Variants in CHSY3 observed in about 807,000 individuals in gnomAD.
CHSY3 encodes the protein chondroitin sulfate synthase 3, also known as N-acetylgalactosaminyl-proteoglycan 3-beta-glucuronosyltransferase 3.
CHSY3 carries 35 observed loss-of-function variants against 67.2 expected under a neutral mutation model. That is an observed-to-expected ratio of 0.52 (90% CI 0.40 to 0.69). The LOEUF (loss-of-function observed/expected upper bound fraction) is 0.69. CHSY3 is among the 30% of genes least tolerant of loss of function. CHSY3 has a pLI of 0.00. For synonymous variants in CHSY3, 474 were observed against 434.7 expected, an observed-to-expected ratio of 1.09 and a Z score of -1.12; for missense variants, 1,069 against 1,138.5, an observed-to-expected ratio of 0.94 and a Z score of 0.88.
chr5:130,026,923 A>G (rs1351497023), intron 2 of CHSY3, among the ~76,000 whole-genome samples: 1 of 152,160 alleles, frequency 6.6e-6, no homozygotes, highest in Non-Finnish European at 1.5e-5. Context: ...GCATTCACAC[A>G]TAAGTACATA....
chr5:129,958,212 T>A (rs1762233319), intron 2 of CHSY3, among the ~76,000 whole-genome samples: 1 of 152,180 alleles, frequency 6.6e-6, no homozygotes, highest in South Asian at 2.1e-4. Flanking sequence ...AATTATCAAT[T>A]TGTCCTCTTC....
chr5:130,122,166 C>CATAT (rs1768054854), intron 2 of CHSY3, among the ~76,000 whole-genome samples: 2 of 149,254 alleles, frequency 1.3e-5, no homozygotes, highest in Non-Finnish European at 2.9e-5. Flanking sequence ...CAAATATATA[C>CATAT]ATATATACAT....
intron 2 of CHSY3, chr5:130,140,911 C>T: frequency 2.8e-6 from 2 of 716,600 alleles, no homozygotes; most frequent in Non-Finnish European, 3.5e-6. Context: ...TCAATACCTC[C>T]ATTTTCCATG....
At chr5:130,116,171 T>A (rs1035136317) in intron 2 of CHSY3, among the ~76,000 whole-genome samples, 26 of 152,080 alleles carry the variant, frequency 1.7e-4, no homozygotes, top group African/African-American at 6.0e-4. Flanking sequence ...TTGACCCAAA[T>A]AGCAACAACA....
intron 2 of CHSY3, among the ~76,000 whole-genome samples, chr5:130,115,104 T>C (rs2149705986): frequency 1.3e-5 from 2 of 152,058 alleles, no homozygotes; most frequent in East Asian, 3.9e-4. Flanking sequence ...TTATTGTAGG[T>C]AATTTTATTT....
At chr5:129,998,344 G>A (rs938967910) in intron 2 of CHSY3, among the ~76,000 whole-genome samples, 11 of 152,114 alleles carry the variant, frequency 7.2e-5, no homozygotes, top group Non-Finnish European at 4.4e-5. Context: ...GCTGCATACT[G>A]TTTCACTGTA....
At chr5:129,966,753 G>C (rs1415460310) in intron 2 of CHSY3, among the ~76,000 whole-genome samples, 2 of 151,630 alleles carry the variant, frequency 1.3e-5, no homozygotes, top group Non-Finnish European at 2.9e-5. Context: ...CTCACCTACT[G>C]TTTGTGTATC....
chr5:130,065,670 T>C (rs561694271), intron 2 of CHSY3, among the ~76,000 whole-genome samples: 1 of 152,268 alleles, frequency 6.6e-6, no homozygotes, highest in South Asian at 2.1e-4. Flanking sequence ...ATATCTAAGA[T>C]AGCACTACTG....
chr5:130,013,280 G>A (rs1015569968), intron 2 of CHSY3, among the ~76,000 whole-genome samples: 2 of 152,138 alleles, frequency 1.3e-5, no homozygotes, highest in African/African-American at 4.8e-5. Flanking sequence ...TAAGCTGTTG[G>A]TGGATCTACC....
At chr5:130,127,554 T>G (rs1263849987) in intron 2 of CHSY3, among the ~76,000 whole-genome samples, 1 of 152,216 alleles carries the variant, frequency 6.6e-6, no homozygotes, top group Non-Finnish European at 1.5e-5. Flanking sequence ...TATGATCTGA[T>G]AGCAGTCATT....
chr5:130,105,265 A>G lies in CHSY3; in HGVS notation c.1087-78964A>G, dbSNP rs576966935. On this transcript the variant is annotated intron_variant, in intron 2 of 2. Coordinates refer to ENST00000305031, the MANE Select transcript of CHSY3 (RefSeq NM_175856.5). The stretch of plus-strand genomic sequence containing the variant: ...CACAAGAATTTAAGAACTTCAAAGT[A>G]TTGTTTGATTTTCAATATCTAATGT... 7.9e-5 allele frequency among the ~76,000 whole-genome samples: 12 copies of G among 151,624 alleles called. No individual in the cohort carries two copies. In the South Asian group the frequency reaches 2.5e-3, roughly 31 times the overall value.
chr5:130,085,465 T>G (rs1233411305), intron 2 of CHSY3, among the ~76,000 whole-genome samples: 1 of 152,106 alleles, frequency 6.6e-6, no homozygotes, highest in Non-Finnish European at 1.5e-5. Context: ...TTCCCCTTTA[T>G]CATTTTTTAT....
Position 130,180,581 on chromosome 5 carries a change from C to T in CHSY3, c.1087-3648C>T, listed in dbSNP as rs182674832. 1.7e-3 allele frequency among the ~76,000 whole-genome samples: 265 copies of T among 152,068 alleles called. 1 individual carries two copies. Among genetic ancestry groups the T allele is most frequent in the African/African-American group, 5.9e-3 (246 of 41,474 alleles). ...AAAGTTTCTCAGTTAAGACTGGGCA[C>T]GGTGCCTTATGCCTGTAATCCCAGA... On this transcript the variant is annotated intron_variant, in intron 2 of 2. Coordinates refer to ENST00000305031, the MANE Select transcript of CHSY3 (RefSeq NM_175856.5).
At chr5:129,908,914 A>G (rs1180271337) in intron 2 of CHSY3, among the ~76,000 whole-genome samples, 2 of 152,290 alleles carry the variant, frequency 1.3e-5, no homozygotes, top group East Asian at 3.9e-4. Context: ...ACAAAATTCC[A>G]ATCACTGTAT....
At chr5:130,154,796 A>C (rs1769325007) in intron 2 of CHSY3, among the ~76,000 whole-genome samples, 1 of 152,202 alleles carries the variant, frequency 6.6e-6, no homozygotes, top group South Asian at 2.1e-4. Context: ...GGAGTGTGAG[A>C]TAATTACAAT....
rs571535904 is a variant in CHSY3 at position 129,905,219 on chromosome 5, C to T, written c.390C>T (p.Ala130=). The T allele has an allele frequency of 1.3e-4, 196 of 1,504,726 alleles. No individual in the cohort carries two copies. In the African/African-American group the frequency reaches 2.6e-3, roughly 20 times the overall value. 93.2% of individuals were successfully genotyped at this position (1,504,726 alleles called of 1,614,324 possible). The change falls in exon 1 of 3, where the codon GCC becomes GCT. Residue 130 remains alanine, a synonymous_variant. Coordinates refer to ENST00000305031, the MANE Select transcript of CHSY3 (RefSeq NM_175856.5). ...GATGLPGAPA[A]EGEPEEEDGG... ...CGGGGCTTCCCGGTGCTCCAGCGGC[C>T]GAGGGGGAGCCCGAGGAGGAGGACG... is the stretch of plus-strand genomic sequence containing the variant.
At chr5:129,920,043 T>TA (rs1760868487) in intron 2 of CHSY3, among the ~76,000 whole-genome samples, 1 of 152,220 alleles carries the variant, frequency 6.6e-6, no homozygotes, top group South Asian at 2.1e-4. Context: ...CAGATTCAAT[T>TA]AAAAAAACAA....
chr5:130,054,211 T>A (rs542961872), intron 2 of CHSY3, among the ~76,000 whole-genome samples: 1 of 152,312 alleles, frequency 6.6e-6, no homozygotes, highest in African/African-American at 2.4e-5. Flanking sequence ...CTTATTCAGC[T>A]CATCTATTGA....
intron 2 of CHSY3, among the ~76,000 whole-genome samples, chr5:130,051,416 T>C (rs1765352727): frequency 6.6e-6 from 1 of 152,112 alleles, no homozygotes; most frequent in African/African-American, 2.4e-5. Context: ...GCTCTTACTT[T>C]CTTAACCAAA....
Sources: allele counts gnomAD v4.1 joint callset (sites outside exome capture counted in the v4.1 genomes callset), GRCh38; gene constraint gnomAD v4.1.1; transcripts MANE v1.5; gene names NCBI Gene and HGNC (gene_info 2026-07-23, HGNC 2026-07-21).